Variants in DLG2 observed in about 807,000 individuals in gnomAD.
DLG2 encodes the protein discs large MAGUK scaffold protein 2, also known as disks large homolog 2.
A neutral mutation model predicts 132.5 loss-of-function variants in DLG2; 45 were observed. The ratio of observed to expected loss-of-function variants is 0.34; its 90% CI spans 0.27 to 0.44. The LOEUF (loss-of-function observed/expected upper bound fraction) is 0.44, where lower values mean the gene tolerates loss of function less well. Ranked by LOEUF, DLG2 falls within the 20% of genes least tolerant of loss-of-function variation. DLG2 has a pLI of 1.00. For missense variants in DLG2, 1,045 were observed against 1,196.9 expected (o/e 0.87, Z 1.87); for synonymous variants, 424 against 419.6 (o/e 1.01, Z -0.13).
chr11:85,241,184 T>C (rs1409698907), intron 4 of DLG2, among the ~76,000 whole-genome samples: 1 of 151,758 alleles, frequency 6.6e-6, no homozygotes, highest in Non-Finnish European at 1.5e-5. Context: ...AAAATTATGT[T>C]TTCCAGTTAT....
At chr11:84,014,917 T>C (rs2095093691) in intron 11 of DLG2, among the ~76,000 whole-genome samples, 2 of 152,096 alleles carry the variant, frequency 1.3e-5, no homozygotes, top group Admixed American at 1.3e-4. Flanking sequence ...CTCGAGAATG[T>C]TACTTCTTGT....
intron 7 of DLG2, among the ~76,000 whole-genome samples, chr11:84,487,686 T>C (rs1331670439): frequency 6.6e-6 from 1 of 151,930 alleles, no homozygotes; most frequent in Non-Finnish European, 1.5e-5. Context: ...TTAAGAGAAA[T>C]ACAGAGATAA....
intron 6 of DLG2, among the ~76,000 whole-genome samples, chr11:84,926,820 A>G (rs2092994861): frequency 6.6e-6 from 1 of 152,070 alleles, no homozygotes; most frequent in Admixed American, 6.6e-5. Context: ...CTCCATGAGC[A>G]AAAGTCAGGG....
chr11:84,749,512 C>A (rs977568811), intron 6 of DLG2, among the ~76,000 whole-genome samples: 40 of 152,002 alleles, frequency 2.6e-4, no homozygotes, highest in Non-Finnish European at 2.5e-4. Context: ...AACTGCCTAC[C>A]ATATGCAGTA....
At chr11:84,403,445 A>G (rs2098837692) in intron 7 of DLG2, among the ~76,000 whole-genome samples, 1 of 152,198 alleles carries the variant, frequency 6.6e-6, no homozygotes, top group South Asian at 2.1e-4. Flanking sequence ...TGTATCCTTT[A>G]CATTCCCACT....
intron 7 of DLG2, among the ~76,000 whole-genome samples, chr11:84,350,211 A>G (rs1036967989): frequency 2.0e-5 from 3 of 151,282 alleles, no homozygotes; most frequent in Non-Finnish European, 4.4e-5. Context: ...AATCCAGGCT[A>G]AAATGACGAG....
intron 3 of DLG2, among the ~76,000 whole-genome samples, chr11:85,536,548 G>A (rs2075596457): frequency 1.3e-5 from 2 of 152,230 alleles, no homozygotes; most frequent in Non-Finnish European, 2.9e-5. Flanking sequence ...CCCTGTTGCT[G>A]CGCTATGAGG....
At chr11:83,683,166 AG>A (rs771601010) in intron 18 of DLG2, among the ~76,000 whole-genome samples, 10 of 152,224 alleles carry the variant, frequency 6.6e-5, no homozygotes, top group Non-Finnish European at 1.2e-4. Flanking sequence ...ATCGAATAAC[AG>A]CACTGGAAAA....
At position 84,655,130 on chromosome 11, in the gene DLG2, T is replaced by C. The variant is rs562164886; in HGVS notation, c.358-120399A>G. Among the ~76,000 whole-genome samples the C allele has an allele frequency of 5.3e-5, 8 of 152,204 alleles. No homozygotes were observed. The South Asian group carries it at 1.7e-3, about 32-fold the overall frequency. On this transcript the variant is annotated intron_variant, in intron 6 of 27. Transcript: ENST00000376104. ...TGACCAGCTGTGAATCTTTGATATA[T>C]GAAAGGCTCTGATCTGCCCTGTGTA...
chr11:84,297,312 G>A (rs1465086495), intron 7 of DLG2, among the ~76,000 whole-genome samples: 2 of 152,138 alleles, frequency 1.3e-5, no homozygotes, highest in Non-Finnish European at 2.9e-5. Flanking sequence ...ATGAGAAGGA[G>A]TGTGAACATT....
At chr11:84,899,436 T>C (rs2090610066) in intron 6 of DLG2, among the ~76,000 whole-genome samples, 1 of 152,024 alleles carries the variant, frequency 6.6e-6, no homozygotes, top group South Asian at 2.1e-4. Context: ...ATGTTGGTAA[T>C]CTCACTTGCA....
chr11:84,102,268 G>T (rs1163926563), intron 9 of DLG2, among the ~76,000 whole-genome samples: 1 of 152,030 alleles, frequency 6.6e-6, no homozygotes, highest in East Asian at 1.9e-4. Flanking sequence ...TTTAAACTGG[G>T]CTTGTAGAAG....
At chr11:83,799,618 T>G (rs1276384421) in intron 17 of DLG2, among the ~76,000 whole-genome samples, 3 of 152,224 alleles carry the variant, frequency 2.0e-5, no homozygotes, top group African/African-American at 7.2e-5. Flanking sequence ...TAATATTTAC[T>G]GTGTTGAGCA....
At chr11:85,004,187 C>T (rs2058446984) in intron 6 of DLG2, among the ~76,000 whole-genome samples, 1 of 152,134 alleles carries the variant, frequency 6.6e-6, no homozygotes, top group Non-Finnish European at 1.5e-5. Flanking sequence ...CATACATGTG[C>T]ACGTGTCTTT....
chr11:85,317,188 T>C (rs2080743259), intron 3 of DLG2, among the ~76,000 whole-genome samples: 1 of 152,010 alleles, frequency 6.6e-6, no homozygotes, highest in African/African-American at 2.4e-5. Flanking sequence ...AGAAAGCCAG[T>C]GTGGCGTGAC....
chr11:84,124,200 GT>G (rs202051932), intron 9 of DLG2, among the ~76,000 whole-genome samples: 9 of 152,126 alleles, frequency 5.9e-5, no homozygotes, highest in African/African-American at 2.2e-4. Context: ...ACCAGCACAT[GT>G]TTTTTTCCTA....
chr11:83,653,774 G>A (rs1255564422), intron 18 of DLG2, among the ~76,000 whole-genome samples: 1 of 152,030 alleles, frequency 6.6e-6, no homozygotes, highest in Non-Finnish European at 1.5e-5. Flanking sequence ...CAAGGCTGGA[G>A]TGCCGTGGCA....
At chr11:84,367,223 G>C (rs1204302087) in intron 7 of DLG2, among the ~76,000 whole-genome samples, 3 of 152,110 alleles carry the variant, frequency 2.0e-5, no homozygotes, top group Non-Finnish European at 1.5e-5. Flanking sequence ...TCTAAGTCGA[G>C]GACCAGCAAA....
At chr11:83,837,062 A>C (rs1382451506) in intron 16 of DLG2, among the ~76,000 whole-genome samples, 2 of 152,110 alleles carry the variant, frequency 1.3e-5, no homozygotes, top group African/African-American at 4.8e-5. Context: ...GAACCACCTT[A>C]TTCTCCTTAC....
Sources: gnomAD v4.1 joint callset for allele counts (sites outside exome capture counted in the v4.1 genomes callset) on GRCh38, gnomAD v4.1.1 for gene constraint, MANE v1.5 for transcripts, NCBI Gene and HGNC (gene_info 2026-07-23, HGNC 2026-07-21) for gene names.